NAAA: variants seen among roughly 807,000 people sequenced by gnomAD.
NAAA encodes N-acylethanolamine-hydrolyzing acid amidase.
NAAA carries 39 observed loss-of-function variants against 44.8 expected under a neutral mutation model. That is an observed-to-expected ratio of 0.87 (90% confidence interval 0.67 to 1.14). NAAA has a LOEUF of 1.14. Among genes scored for constraint, NAAA ranks in the 50% most tolerant of loss-of-function variants. The pLI is 0.00. For synonymous variants in NAAA, 178 were observed against 191.3 expected (o/e 0.93, Z 0.58); for missense variants, 460 against 467.8 (o/e 0.98, Z 0.15).
chr4:75,925,306 A>G (rs1726569033), intron 5 of NAAA, among the ~76,000 whole-genome samples: 1 of 152,174 alleles, frequency 6.6e-6, no homozygotes, highest in Non-Finnish European at 1.5e-5. Context: ...AAGTGCTGGG[A>G]TTACAGGCGT....
intron 4 of NAAA, among the ~76,000 whole-genome samples, chr4:75,927,036 T>C (rs1185339063): frequency 1.3e-5 from 2 of 151,854 alleles, no homozygotes; most frequent in African/African-American, 4.8e-5. Flanking sequence ...AGGACCTGAA[T>C]AGACATTTCT....
Position 75,920,738 on chromosome 4 carries a change from C to T in NAAA, c.902G>A (p.Arg301Lys). Residue 301 changes from arginine to lysine, a missense_variant and splice_region_variant, in exon 7 of 11, where the codon AGA becomes AAA. Transcript: ENST00000286733. ...WKPAPKEDDRRTSAIKALNAT... is the reference protein window; with the variant it reads ...WKPAPKEDDRKTSAIKALNAT... The stretch of plus-strand genomic sequence containing the variant: ...AACCAGAAAGCACGTAGCAGCCTAC[C>T]TCCGGTCATCTTCCTTGGGTGCTGG... 6.2e-7 allele frequency: 1 copy of T among 1,614,230 alleles called. No homozygotes were observed. The highest frequency in any genetic ancestry group is 8.5e-7 in the Non-Finnish European group (1 of 1,180,042).
At chr4:75,928,908 C>T (rs1460058600) in intron 4 of NAAA, among the ~76,000 whole-genome samples, 1 of 151,974 alleles carries the variant, frequency 6.6e-6, no homozygotes, top group African/African-American at 2.4e-5. Flanking sequence ...CTGCCTCAGC[C>T]TCACGCCTAG....
At chr4:75,921,721 G>T (rs10518142) in intron 5 of NAAA, among the ~76,000 whole-genome samples, 38,932 of 152,144 alleles carry the variant, frequency 0.26, 6,170 homozygotes, top group East Asian at 0.49. Flanking sequence ...ACAAACACAA[G>T]TGAGTGGTGA....
chr4:75,919,748 G>GC, intron 8 of NAAA, 161 bp downstream of exon 8: 1 of 699,076 alleles, frequency 1.4e-6, no homozygotes, highest in South Asian at 1.7e-5. Flanking sequence ...AAAGTGCTGG[G>GC]ATTACAGGTG....
At chr4:75,919,678 C>T in intron 8 of NAAA, 1 of 573,222 alleles carries the variant, frequency 1.7e-6, no homozygotes, top group Non-Finnish European at 3.1e-6. Context: ...CAGGGTTTCA[C>T]TGTGTTAGCC....
rs746051493 is a variant in NAAA at position 75,914,968 on chromosome 4, G to A, written c.1016C>T (p.Thr339Met). Residue 339 changes from threonine (T) to methionine (M), a missense_variant, in exon 10 of 11, where the codon ACG (threonine) becomes ATG (methionine). Transcript: ENST00000286733. ...GTCTGGGCTACCGGCGCTCATTACC[G>A]TAGTATAAATTGTGAAGCTGAAAAT... ...PVYNNFTIYT[T>M]VMSAGSPDKY... 2.0e-5 allele frequency: 32 copies of A among 1,612,766 alleles called. No individual in the cohort carries two copies. The highest frequency in any genetic ancestry group is 6.7e-5 in the African/African-American group (5 of 74,866).
chr4:75,912,503 G>T (rs897860785), downstream of NAAA, among the ~76,000 whole-genome samples: 2 of 150,044 alleles, frequency 1.3e-5, no homozygotes, highest in Admixed American at 6.7e-5. Context: ...GCAGTGAGCC[G>T]AGATCGTGCC....
At chr4:75,911,800 A>G (rs1249290206), downstream of NAAA, among the ~76,000 whole-genome samples, 1 of 152,230 alleles carries the variant, frequency 6.6e-6, no homozygotes, top group Non-Finnish European at 1.5e-5. Flanking sequence ...AACTACGCCT[A>G]CATTTAGCAG....
intron 3 of NAAA, among the ~76,000 whole-genome samples, chr4:75,934,697 T>C (rs1727557780): frequency 6.6e-6 from 1 of 152,184 alleles, no homozygotes. Context: ...AACCTGTTCT[T>C]AATTTCATAA....
Position 75,920,807 on chromosome 4 carries a change from CAG to C in NAAA, c.840-9_840-8del. The C allele has an allele frequency of 2.5e-6, 4 of 1,614,230 alleles. No individual in the cohort carries two copies. The highest frequency in any genetic ancestry group is 3.4e-6 in the Non-Finnish European group (4 of 1,180,044). On this transcript the variant is annotated splice_polypyrimidine_tract_variant and splice_region_variant and intron_variant, in intron 6 of 10. Coordinates refer to ENST00000286733, the MANE Select transcript of NAAA (RefSeq NM_014435.4). ...TGTCTCAACTCGGAACCACCTACAA[CAG>C]AGCACATCATCTTGTCTTATCCAAG... is the stretch of plus-strand genomic sequence containing the variant.
chr4:75,925,187 C>T (rs1726553968), intron 5 of NAAA, among the ~76,000 whole-genome samples: 1 of 152,134 alleles, frequency 6.6e-6, no homozygotes, highest in Non-Finnish European at 1.5e-5. Context: ...AGGCACATGC[C>T]ACCACACCCA....
intron 9 of NAAA, among the ~76,000 whole-genome samples, chr4:75,915,698 G>T (rs1337062557): frequency 2.0e-5 from 3 of 152,148 alleles, no homozygotes; most frequent in African/African-American, 7.2e-5. Flanking sequence ...CATGCTTTGG[G>T]GGGGTGGTAT....
chr4:75,922,683 T>C (rs1238964267), intron 5 of NAAA, among the ~76,000 whole-genome samples: 1 of 152,258 alleles, frequency 6.6e-6, no homozygotes, highest in Non-Finnish European at 1.5e-5. Context: ...GTCATGTACA[T>C]GTTAAATAAA....
intron 2 of NAAA, among the ~76,000 whole-genome samples, chr4:75,938,542 G>C (rs1245137194): frequency 6.6e-6 from 1 of 152,162 alleles, no homozygotes; most frequent in Non-Finnish European, 1.5e-5. Context: ...TCCTGAAGAG[G>C]AAGGCAGTCC....
At chr4:75,936,359 G>T (rs1027428331) in intron 2 of NAAA, 124 bp from the exon 3 acceptor site, 111 of 1,012,820 alleles carry the variant, frequency 1.1e-4, no homozygotes, top group Non-Finnish European at 1.5e-4. Flanking sequence ...ACTGATATAT[G>T]TGCTATAATG....
intron 5 of NAAA, 25 bp from the exon 6 acceptor site, chr4:75,921,148 G>T: frequency 6.5e-7 from 1 of 1,547,226 alleles, no homozygotes; most frequent in South Asian, 1.3e-5. Flanking sequence ...GAACTTGCGT[G>T]AGCAACCCCA....
intron 8 of NAAA, 196 bp downstream of exon 8, chr4:75,919,713 C>T (rs746679411): frequency 4.9e-6 from 3 of 609,218 alleles, no homozygotes; most frequent in Non-Finnish European, 8.7e-6. Context: ...CTCCTGACCT[C>T]GTGATCTGCC....
chr4:75,917,060 T>G, intron 9 of NAAA: 1 of 927,916 alleles, frequency 1.1e-6, no homozygotes, highest in Non-Finnish European at 1.3e-6. Context: ...ATTACAGATG[T>G]GAGCCACTGC....
Sources: gnomAD v4.1 joint callset for allele counts (sites outside exome capture counted in the v4.1 genomes callset) on GRCh38, gnomAD v4.1.1 for gene constraint, MANE v1.5 for transcripts, NCBI Gene and HGNC (gene_info 2026-07-23, HGNC 2026-07-21) for gene names.